MECOM: variants seen among roughly 807,000 people sequenced by gnomAD.
MECOM encodes the protein MDS1 and EVI1 complex locus, also known as histone-lysine N-methyltransferase MECOM.
A neutral mutation model predicts 116.3 loss-of-function variants in MECOM; 13 were observed. That is an observed-to-expected ratio of 0.11 (90% CI 0.07 to 0.18). The LOEUF is 0.18. Ranked by LOEUF, MECOM falls within the 10% of genes least tolerant of loss-of-function variation. The pLI, the probability that MECOM is intolerant of heterozygous loss-of-function variation, is 1.00. For synonymous variants in MECOM, 528 were observed against 535.2 expected (o/e 0.99, Z 0.19); for missense variants, 1,299 against 1,509.0 (o/e 0.86, Z 2.31).
intron 2 of MECOM, among the ~76,000 whole-genome samples, chr3:169,216,908 GT>G (rs58702835): frequency 0.56 from 85,640 of 151,676 alleles, 24,726 homozygotes; most frequent in Middle Eastern, 0.77. Context: ...TTTACACGGA[GT>G]TACTTAAAAC....
intron 14 of MECOM, 106 bp downstream of exon 14, chr3:169,092,852 G>A (rs1720196848): frequency 7.7e-7 from 1 of 1,299,200 alleles, no homozygotes; most frequent in Admixed American, 1.8e-5. Flanking sequence ...ACCAGTCTTT[G>A]GTGACTGAAG....
intron 1 of MECOM, among the ~76,000 whole-genome samples, chr3:169,627,051 GATCA>G (rs1264554939): frequency 6.6e-6 from 1 of 152,124 alleles, no homozygotes; most frequent in African/African-American, 2.4e-5. Flanking sequence ...CTTAAAGAAG[GATCA>G]ATCAATTAAT....
chr3:169,470,771 C>G (rs541283260), intron 1 of MECOM, among the ~76,000 whole-genome samples: 1 of 152,026 alleles, frequency 6.6e-6, no homozygotes, highest in East Asian at 1.9e-4. Flanking sequence ...TATCTATCAT[C>G]TAGAAACCAA....
In MECOM at chr3:169,138,847, AT is replaced by A. The variant is rs374365857; in HGVS notation, c.510+4850del. On this transcript the variant is annotated intron_variant, in intron 3 of 16. Coordinates refer to ENST00000651503, the MANE Select transcript of MECOM (RefSeq NM_004991.4). ...CTAATCGAAAGATGCAGGAAAGTGG[AT>A]TTTTTTTCATAGTAAAATCCAAAGA... 2.2e-4 allele frequency among the ~76,000 whole-genome samples: 34 copies of A among 152,096 alleles called. 1 individual carries two copies. Among genetic ancestry groups the A allele is most frequent in the East Asian group, 7.7e-4 (4 of 5,178 alleles).
chr3:169,368,469 C>A (rs1349947327), intron 2 of MECOM, among the ~76,000 whole-genome samples: 1 of 151,814 alleles, frequency 6.6e-6, no homozygotes, highest in Non-Finnish European at 1.5e-5. Context: ...GTGTACAGTT[C>A]CCCTCCTACT....
At chr3:169,309,194 A>G (rs1344730277) in intron 2 of MECOM, among the ~76,000 whole-genome samples, 1 of 152,248 alleles carries the variant, frequency 6.6e-6, no homozygotes, top group Admixed American at 6.5e-5. Context: ...ATTCTGAGTA[A>G]CACTATTTTA....
intron 1 of MECOM, among the ~76,000 whole-genome samples, chr3:169,544,830 T>C (rs910640753): frequency 2.0e-5 from 3 of 151,944 alleles, no homozygotes; most frequent in Non-Finnish European, 4.4e-5. Flanking sequence ...TGAGAACACA[T>C]GGACACAGGG....
At chr3:169,425,368 G>A (rs1740481666) in intron 1 of MECOM, among the ~76,000 whole-genome samples, 1 of 152,138 alleles carries the variant, frequency 6.6e-6, no homozygotes, top group African/African-American at 2.4e-5. Context: ...TAACATGCAG[G>A]CATTCTCTCA....
At chr3:169,524,985 A>G (rs2109106140) in intron 1 of MECOM, among the ~76,000 whole-genome samples, 1 of 152,310 alleles carries the variant, frequency 6.6e-6, no homozygotes, top group Non-Finnish European at 1.5e-5. Flanking sequence ...TAAAAAAAAA[A>G]AAGACATATT....
chr3:169,581,670 T>C (rs555113659), intron 1 of MECOM, among the ~76,000 whole-genome samples: 7 of 152,262 alleles, frequency 4.6e-5, no homozygotes, highest in Admixed American at 3.9e-4. Flanking sequence ...TCTGGGGAGC[T>C]GGAGGTGCTT....
intron 1 of MECOM, among the ~76,000 whole-genome samples, chr3:169,421,192 A>G (rs752859830): frequency 3.3e-5 from 5 of 152,132 alleles, no homozygotes; most frequent in African/African-American, 7.2e-5. Context: ...AGTTCTTTGA[A>G]GGCTAAACGA....
intron 1 of MECOM, among the ~76,000 whole-genome samples, chr3:169,638,696 T>G (rs1467157362): frequency 6.6e-6 from 1 of 152,202 alleles, no homozygotes; most frequent in African/African-American, 2.4e-5. Flanking sequence ...GTGGTTGACA[T>G]GGTTAGTTGC....
rs377640135 is a variant in MECOM at position 169,492,732 on chromosome 3, C to T, written c.38-111208G>A. On this transcript the variant is annotated intron_variant, in intron 1 of 16. Coordinates refer to ENST00000651503, the MANE Select transcript of MECOM (RefSeq NM_004991.4). Reference sequence around the variant, plus strand: ...ATCCCAGCACTTTGGGAGGCCGAGGCGGGCAGATCACTTGAGGTCAGGAGT... The same window carrying T: ...ATCCCAGCACTTTGGGAGGCCGAGGTGGGCAGATCACTTGAGGTCAGGAGT... 6.0e-3 allele frequency among the ~76,000 whole-genome samples: 916 copies of T among 152,140 alleles called. 15 individuals are homozygous for T. Among genetic ancestry groups the T allele is most frequent in the African/African-American group, 0.021 (861 of 41,524 alleles).
chr3:169,614,998 A>G (rs1417846811), intron 1 of MECOM: 1 of 152,254 alleles, frequency 6.6e-6, no homozygotes, highest in Non-Finnish European at 1.5e-5. Context: ...TATCTGTAAA[A>G]TGGGGGGTTA....
rs546103500 is a variant in MECOM at position 169,419,800 on chromosome 3, C to T, written c.38-38276G>A. Among the ~76,000 whole-genome samples the T allele has an allele frequency of 1.6e-4, 25 of 152,258 alleles. No homozygotes were observed. The South Asian group carries it at 5.0e-3, about 30-fold the overall frequency. On this transcript the variant is annotated intron_variant, in intron 1 of 16. Coordinates refer to ENST00000651503, the MANE Select transcript of MECOM (RefSeq NM_004991.4). ...AAGAGCTTCTGCACAACAAAAGAAA[C>T]TATCATCAGAGTGAACAAGCAACCT...
In MECOM at chr3:169,172,853, A is replaced by C. The variant is rs116184687; in HGVS notation, c.376-29021T>G. Among the ~76,000 whole-genome samples the C allele has an allele frequency of 8.3e-3, 1,269 of 152,286 alleles. 8 individuals are homozygous for C. The highest frequency in any genetic ancestry group is 0.022 in the South Asian group (106 of 4,820). ...CAATGTGCATCAGCTTCTACAATTGAAAAAAGGAGAAAAATAAGGTCCCAA... is the reference window on the plus strand; with the variant it reads ...CAATGTGCATCAGCTTCTACAATTGCAAAAAGGAGAAAAATAAGGTCCCAA... On this transcript the variant is annotated intron_variant, in intron 2 of 16. Coordinates refer to ENST00000651503, the MANE Select transcript of MECOM (RefSeq NM_004991.4).
intron 2 of MECOM, among the ~76,000 whole-genome samples, chr3:169,290,947 T>G (rs1451835822): frequency 6.6e-6 from 1 of 152,176 alleles, no homozygotes; most frequent in Admixed American, 6.6e-5. Flanking sequence ...AATCATGACT[T>G]ACACTCCATA....
chr3:169,582,713 G>A (rs1765259158), intron 1 of MECOM, among the ~76,000 whole-genome samples: 1 of 152,332 alleles, frequency 6.6e-6, no homozygotes, highest in Admixed American at 6.5e-5. Context: ...AACACCTTCA[G>A]AGAAGGTTTT....
At chr3:169,237,504 G>T (rs1311595142) in intron 2 of MECOM, among the ~76,000 whole-genome samples, 1 of 149,076 alleles carries the variant, frequency 6.7e-6, no homozygotes, top group African/African-American at 2.5e-5. Flanking sequence ...ACTTGTCCCC[G>T]TATGAAATAA....
Sources: gnomAD v4.1 joint callset for allele counts (sites outside exome capture counted in the v4.1 genomes callset) on GRCh38, gnomAD v4.1.1 for gene constraint, MANE v1.5 for transcripts, NCBI Gene and HGNC (gene_info 2026-07-23, HGNC 2026-07-21) for gene names.